The following SEC22B variants were observed in gnomAD, a reference collection of about 807,000 sequenced individuals.
SEC22B encodes the protein vesicle-trafficking protein SEC22b.
In SEC22B, 10 loss-of-function variants were observed where a neutral mutation model predicts 31.4. The observed-to-expected ratio is 0.32, with a 90% CI of 0.20 to 0.54. SEC22B has a LOEUF of 0.54. Ranked by LOEUF, SEC22B falls within the 20% of genes least tolerant of loss-of-function variation. The probability of loss-of-function intolerance (pLI) is 0.94; values close to 1 mark genes in which losing one functional copy is unlikely to be tolerated. For missense variants in SEC22B, 130 were observed against 263.4 expected, an observed-to-expected ratio of 0.49 and a Z score of 3.50; for synonymous variants, 60 against 95.9, an observed-to-expected ratio of 0.63 and a Z score of 2.19.
chr1:120,157,246 G>C, intron 4 of SEC22B, 54 bp from the exon 5 acceptor site: 3 of 1,271,026 alleles, frequency 2.4e-6, no homozygotes, highest in East Asian at 5.2e-5. Context: ...GTATTTTACC[G>C]AAAGTATTAA....
intron 1 of SEC22B, among the ~76,000 whole-genome samples, chr1:120,171,782 ATAGTT>A (rs1657899797): frequency 7.4e-6 from 1 of 134,962 alleles, no homozygotes; most frequent in Admixed American, 6.9e-5. Flanking sequence ...AGTACAGATT[ATAGTT>A]AATAAACACT....
In SEC22B at chr1:120,153,338, T is replaced by A. The variant is rs1266380610; in HGVS notation, c.*3700A>T. On this transcript the variant is annotated 3_prime_UTR_variant, in exon 5 of 5. Transcript: ENST00000578049. ...TAACTAACCAAAAACCTTAATTGTA[T>A]GGCCATCAGCACCCTAGCCCTTTGT... 12 of 151,596 alleles carry A rather than the reference T, an allele frequency of 7.9e-5. No homozygotes were observed. The highest frequency in any genetic ancestry group is 1.3e-4 in the Non-Finnish European group (9 of 67,982). 9.4% of individuals were successfully genotyped at this position (151,596 alleles called of 1,614,324 possible).
Position 120,155,944 on chromosome 1 carries a change from C to G in SEC22B, c.*1094G>C, listed in dbSNP as rs1212404037. Reference sequence around the variant, plus strand: ...AACAGGAATGAAGTGCTCTCAGAGACTTTTTCTCAGGTAAATGTATTTAGT... The same window carrying G: ...AACAGGAATGAAGTGCTCTCAGAGAGTTTTTCTCAGGTAAATGTATTTAGT... On this transcript the variant is annotated 3_prime_UTR_variant, in exon 5 of 5. Transcript: ENST00000578049. 2 of 151,898 alleles carry G rather than the reference C, an allele frequency of 1.3e-5. No individual in the cohort carries two copies. Among genetic ancestry groups the G allele is most frequent in the Non-Finnish European group, 2.9e-5 (2 of 67,928 alleles). 9.4% of individuals were successfully genotyped at this position (151,898 alleles called of 1,614,324 possible). A position where few individuals can be genotyped will look rare whatever the true frequency, so the allele number is the denominator to read the frequency against.
chr1:120,160,750 G>A (rs1172538311), intron 3 of SEC22B, among the ~76,000 whole-genome samples: 91 of 152,144 alleles, frequency 6.0e-4, no homozygotes, highest in East Asian at 1.2e-3. Flanking sequence ...TTAGCCAGGC[G>A]TGGCGGCACA....
At chr1:120,161,645 G>A (rs1657719487) in intron 3 of SEC22B, among the ~76,000 whole-genome samples, 2 of 151,944 alleles carry the variant, frequency 1.3e-5, no homozygotes, top group South Asian at 4.1e-4. Context: ...GTTGCAGTTA[G>A]CCAAAATCAT....
chr1:120,176,451 G>A lies in SEC22B; in HGVS notation c.-70C>T. The stretch of plus-strand genomic sequence containing the variant: ...GCGCCGTCCTCACTTCCTCCGCCGC[G>A]ACAACAGTTATACCCTATGTCTCAG... On this transcript the variant is annotated 5_prime_UTR_variant, in exon 1 of 5. Transcript: ENST00000578049. 2.2e-6 allele frequency: 3 copies of A among 1,376,100 alleles called. No homozygotes were observed. The highest frequency in any genetic ancestry group is 3.1e-6 in the Non-Finnish European group (3 of 974,674). 85.2% of individuals were successfully genotyped at this position (1,376,100 alleles called of 1,614,324 possible).
intron 2 of SEC22B, among the ~76,000 whole-genome samples, chr1:120,167,266 G>C (rs1406467691): frequency 4.9e-4 from 74 of 151,238 alleles, no homozygotes; most frequent in African/African-American, 1.6e-3. Context: ...CATACTCCAT[G>C]GTATTATATT....
chr1:120,165,464 C>T (rs1273765472), intron 2 of SEC22B, among the ~76,000 whole-genome samples: 18 of 152,180 alleles, frequency 1.2e-4, no homozygotes, highest in African/African-American at 3.6e-4. Flanking sequence ...AAGTGGTTTT[C>T]CAACTTCTTT....
rs1657561212 is a variant in SEC22B, at chr1:120,152,520, G to A, written c.*4518C>T. On this transcript the variant is annotated 3_prime_UTR_variant, in exon 5 of 5. Transcript: ENST00000578049. Reference sequence around the variant, plus strand: ...GGAAAAACAGGAATTTTTTTTTTAAGGGCTAAAATTTTAGTGAATCAGATG... The same window carrying A: ...GGAAAAACAGGAATTTTTTTTTTAAAGGCTAAAATTTTAGTGAATCAGATG... The A allele has an allele frequency of 6.6e-6, 1 of 150,710 alleles. No homozygotes were observed. The highest frequency in any genetic ancestry group is 6.6e-5 in the Admixed American group (1 of 15,164). The allele number at this position is 150,710 out of a possible 1,614,324, so 9.3% of individuals were successfully genotyped here.
chr1:120,163,614 C>T (rs1657754775), intron 2 of SEC22B, among the ~76,000 whole-genome samples: 1 of 146,820 alleles, frequency 6.8e-6, no homozygotes, highest in South Asian at 2.2e-4. Context: ...CTCGCTCTGT[C>T]CCCTGGGCTG....
rs1369345013 is a variant in SEC22B, at chr1:120,155,981, T to C, written c.*1057A>G. 7.9e-5 allele frequency: 12 copies of C among 152,264 alleles called. No homozygotes were observed. The highest frequency in any genetic ancestry group is 2.4e-4 in the African/African-American group (10 of 41,572). The allele number at this position is 152,264 out of a possible 1,614,324, so 9.4% of individuals were successfully genotyped here. A position where few individuals can be genotyped will look rare whatever the true frequency, so the allele number is the denominator to read the frequency against. On this transcript the variant is annotated 3_prime_UTR_variant, in exon 5 of 5. Transcript: ENST00000578049. ...TAAATGTATTTAGTAGTTTGAGTAG[T>C]TGATCTGCAAAAACTTTAACTTTAA...
chr1:120,167,910 A>T (rs1301637052), intron 2 of SEC22B, among the ~76,000 whole-genome samples: 2 of 151,920 alleles, frequency 1.3e-5, no homozygotes, highest in Non-Finnish European at 2.9e-5. Context: ...GGTGTTGAAA[A>T]TTAGAGTTCT....
intron 3 of SEC22B, among the ~76,000 whole-genome samples, chr1:120,161,373 T>C (rs1209158426): frequency 6.7e-6 from 1 of 150,354 alleles, no homozygotes; most frequent in Non-Finnish European, 1.5e-5. Flanking sequence ...TAATAGGGAG[T>C]TTTCCAAAAT....
At chr1:120,168,760 T>A in intron 2 of SEC22B, 80 bp downstream of exon 2, 1 of 468,854 alleles carries the variant, frequency 2.1e-6, no homozygotes, top group Non-Finnish European at 3.3e-6. Flanking sequence ...CTTTACTTTT[T>A]AAAAATTATT....
At chr1:120,160,556 T>C (rs1657698551) in intron 3 of SEC22B, 26 bp from the exon 4 acceptor site, 1 of 1,534,438 alleles carries the variant, frequency 6.5e-7, no homozygotes, top group African/African-American at 1.4e-5. Context: ...AAACTGACCA[T>C]TTCTTTCATG....
intron 2 of SEC22B, among the ~76,000 whole-genome samples, chr1:120,167,634 TG>T (rs1657832270): frequency 6.6e-6 from 1 of 151,906 alleles, no homozygotes; most frequent in Non-Finnish European, 1.5e-5. Context: ...ATAGTATACT[TG>T]TTTGAGTATA....
chr1:120,163,943 C>CTCTTT (rs1211817191), intron 2 of SEC22B, among the ~76,000 whole-genome samples: 556 of 128,936 alleles, frequency 4.3e-3, no homozygotes, highest in African/African-American at 0.017. Flanking sequence ...CCATTAGATT[C>CTCTTT]TCTTTTTTTT....
intron 3 of SEC22B, among the ~76,000 whole-genome samples, chr1:120,161,434 TATAAATCCCAGC>T (rs1657716171): frequency 6.6e-6 from 1 of 151,928 alleles, no homozygotes; most frequent in South Asian, 2.1e-4. Context: ...GTCTCACACG[TATAAATCCCAGC>T]ATTTTGGGAG....
At chr1:120,176,138 C>A (rs1424282435) in intron 1 of SEC22B, 169 bp downstream of exon 1, 1 of 170,974 alleles carries the variant, frequency 5.8e-6, no homozygotes, top group Non-Finnish European at 1.2e-5. Flanking sequence ...GGAAAGATTT[C>A]CTCTTCGCCG....
Sources: gnomAD v4.1 joint callset for allele counts (sites outside exome capture counted in the v4.1 genomes callset) on GRCh38, gnomAD v4.1.1 for gene constraint, MANE v1.5 for transcripts, NCBI Gene and HGNC (gene_info 2026-07-23, HGNC 2026-07-21) for gene names.